The following C3orf49 variants were observed in gnomAD, a reference collection of about 807,000 sequenced individuals.
The protein encoded by C3orf49 is chromosome 3 open reading frame 49.
In C3orf49, 27 loss-of-function variants were observed where a neutral mutation model predicts 13.3. The observed-to-expected ratio is 2.02, with a 90% CI of 1.49 to 2.79. The LOEUF (loss-of-function observed/expected upper bound fraction) is 2.79, where lower values mean the gene tolerates loss of function less well. Among genes scored for constraint, C3orf49 ranks in the 30% most tolerant of loss-of-function variants. C3orf49 has a pLI of 0.00. For synonymous variants in C3orf49, 87 were observed against 47.6 expected (o/e 1.83, Z -3.40); for missense variants, 242 against 134.2 (o/e 1.80, Z -3.97).
chr3:63,784,522 T>C, the C3orf49 span, among the ~76,000 whole-genome samples: 1 of 152,100 alleles, frequency 6.6e-6, no homozygotes, highest in Non-Finnish European at 1.5e-5. Flanking sequence ...ATAAAGATAA[T>C]GCATACAGCT....
At chr3:63,800,794 G>A in the C3orf49 span, among the ~76,000 whole-genome samples, 5 of 152,086 alleles carry the variant, frequency 3.3e-5, no homozygotes, top group Non-Finnish European at 7.4e-5. Context: ...AAATTTGCCA[G>A]TGGAATCCCT....
At chr3:63,845,372 T>C (rs548068634) in intron 6 of C3orf49, among the ~76,000 whole-genome samples, 1 of 152,162 alleles carries the variant, frequency 6.6e-6, no homozygotes, top group Non-Finnish European at 1.5e-5. Flanking sequence ...TGATATCTCA[T>C]GCATGATGCC....
chr3:63,793,934 C>T, the C3orf49 span, among the ~76,000 whole-genome samples: 15 of 152,192 alleles, frequency 9.9e-5, no homozygotes, highest in East Asian at 7.7e-4. Flanking sequence ...ACAGGACAAT[C>T]GCTTGAGCCC....
At chr3:63,819,643 T>C (rs1427222363) in intron 1 of C3orf49, 47 bp downstream of exon 1, 2 of 702,108 alleles carry the variant, frequency 2.8e-6, no homozygotes, top group Non-Finnish European at 5.2e-6. Flanking sequence ...GTCTTTGGGT[T>C]TGGCATAGTG....
the C3orf49 span, among the ~76,000 whole-genome samples, chr3:63,801,464 C>T: frequency 6.6e-6 from 1 of 152,036 alleles, no homozygotes; most frequent in South Asian, 2.1e-4. Flanking sequence ...GATATAGACA[C>T]ATCATTAATT....
In C3orf49 at chr3:63,823,164, C is replaced by T. The variant is rs991596122; in HGVS notation, c.126-86C>T. Reference sequence around the variant, plus strand: ...TTTTCTGAATTGTATAATTGGTTCACATTTGAAGTTTGTGTTTTAATGATT... The same window carrying T: ...TTTTCTGAATTGTATAATTGGTTCATATTTGAAGTTTGTGTTTTAATGATT... On this transcript the variant is annotated intron_variant, in intron 1 of 6. Coordinates refer to ENST00000295896, the MANE Select transcript of C3orf49 (RefSeq NM_001355236.2). 6.8e-5 allele frequency: 40 copies of T among 590,904 alleles called. No homozygotes were observed. In the South Asian group the frequency reaches 7.6e-4, roughly 11 times the overall value. 36.6% of individuals were successfully genotyped at this position (590,904 alleles called of 1,614,324 possible).
rs117165754 is a variant in C3orf49 at position 63,823,005 on chromosome 3, A to G, written c.126-245A>G. On this transcript the variant is annotated intron_variant, in intron 1 of 6. Transcript: ENST00000295896. ...TCATAAGTAAAATGAAGACAATAATATAACCTACCTCTAACAGTACTGTGT... is the reference window on the plus strand; with the variant it reads ...TCATAAGTAAAATGAAGACAATAATGTAACCTACCTCTAACAGTACTGTGT... 2.1e-4 allele frequency among the ~76,000 whole-genome samples: 32 copies of G among 152,356 alleles called. No homozygotes were observed. The East Asian group carries it at 5.8e-3, about 28-fold the overall frequency.
At chr3:63,784,198 C>A in the C3orf49 span, among the ~76,000 whole-genome samples, 1 of 152,120 alleles carries the variant, frequency 6.6e-6, no homozygotes, top group South Asian at 2.1e-4. Flanking sequence ...TGATTTAAAT[C>A]ATACTGAGAA....
chr3:63,822,308 C>T (rs1181402719), intron 1 of C3orf49, among the ~76,000 whole-genome samples: 6 of 152,158 alleles, frequency 3.9e-5, no homozygotes, highest in African/African-American at 1.4e-4. Context: ...GCATGTGAAA[C>T]TATAATGATC....
the C3orf49 span, among the ~76,000 whole-genome samples, chr3:63,786,572 T>C: frequency 1.3e-5 from 2 of 152,176 alleles, no homozygotes; most frequent in Admixed American, 6.5e-5. Context: ...AAAAAAAATA[T>C]GAAATACTCC....
chr3:63,816,580 TAAACAACAA>T (rs1438913337), upstream of C3orf49, among the ~76,000 whole-genome samples: 1 of 151,508 alleles, frequency 6.6e-6, no homozygotes, highest in Non-Finnish European at 1.5e-5. Flanking sequence ...AGATGCTGTT[TAAACAACAA>T]CAACAACAAC....
the C3orf49 span, among the ~76,000 whole-genome samples, chr3:63,801,606 T>C: frequency 6.6e-6 from 1 of 152,224 alleles, no homozygotes; most frequent in South Asian, 2.1e-4. Flanking sequence ...AACTTACCTC[T>C]AGTGTTGTGA....
the C3orf49 span, among the ~76,000 whole-genome samples, chr3:63,781,066 T>C: frequency 4.0e-5 from 6 of 151,096 alleles, no homozygotes; most frequent in Non-Finnish European, 5.9e-5. Context: ...TCCTTGCCCA[T>C]GCCTATGTCC....
At chr3:63,798,667 A>C in the C3orf49 span, among the ~76,000 whole-genome samples, 1 of 152,160 alleles carries the variant, frequency 6.6e-6, no homozygotes, top group African/African-American at 2.4e-5. Context: ...GAATATTGTA[A>C]CCCAGTCATG....
intron 1 of C3orf49, among the ~76,000 whole-genome samples, chr3:63,821,695 T>C (rs1209537580): frequency 2.0e-5 from 3 of 151,956 alleles, no homozygotes; most frequent in Non-Finnish European, 2.9e-5. Context: ...AAAGCATATC[T>C]CAAAAAATTA....
At chr3:63,838,542 C>G in intron 5 of C3orf49, 1 of 1,559,958 alleles carries the variant, frequency 6.4e-7, no homozygotes, top group South Asian at 1.2e-5. Flanking sequence ...TATTTGTGGA[C>G]TGACAAAAGT....
At chr3:63,811,597 T>C in the C3orf49 span, among the ~76,000 whole-genome samples, 9 of 149,294 alleles carry the variant, frequency 6.0e-5, no homozygotes, top group East Asian at 6.0e-4. Flanking sequence ...CAAAAAAAAA[T>C]AGAGCCAGGC....
At chr3:63,823,652 A>G in intron 2 of C3orf49, 83 bp downstream of exon 2, 2 of 621,692 alleles carry the variant, frequency 3.2e-6, no homozygotes, top group Non-Finnish European at 5.8e-6. Context: ...CTACACCAGT[A>G]TGGCATCCCT....
intron 5 of C3orf49, among the ~76,000 whole-genome samples, chr3:63,837,755 G>T (rs979714834): frequency 1.3e-5 from 2 of 151,850 alleles, no homozygotes; most frequent in Non-Finnish European, 2.9e-5. Flanking sequence ...AAACAGAAAA[G>T]AAATACTTGG....
Sources: gnomAD v4.1 joint callset for allele counts (sites outside exome capture counted in the v4.1 genomes callset) on GRCh38, gnomAD v4.1.1 for gene constraint, MANE v1.5 for transcripts, NCBI Gene and HGNC (gene_info 2026-07-23, HGNC 2026-07-21) for gene names.